The following CFAP20DC variants were observed in gnomAD, a reference collection of about 807,000 sequenced individuals.
CFAP20DC encodes the protein protein CFAP20DC.
In CFAP20DC, 84 loss-of-function variants were observed where a neutral mutation model predicts 101.7. That is an observed-to-expected ratio of 0.83 (90% CI 0.69 to 0.99). CFAP20DC has a LOEUF of 0.99. Among genes scored for constraint, CFAP20DC ranks in the 50% least tolerant of loss-of-function variants. CFAP20DC has a pLI of 0.00. For missense variants in CFAP20DC, 1,007 were observed against 970.3 expected (o/e 1.04, Z -0.50); for synonymous variants, 359 against 351.2 (o/e 1.02, Z -0.25).
rs549608470 is a variant in CFAP20DC, at chr3:58,808,493, C to G, written c.2176-2037G>C. Among the ~76,000 whole-genome samples, 3 of 152,238 alleles carry G rather than the reference C, an allele frequency of 2.0e-5. No homozygotes were observed. In the East Asian group the frequency reaches 5.8e-4, roughly 29 times the overall value. ...TTCATAAGTGAAGGAGAAATAAAATCCTTTACAGACAAGCAAATGCTGAGA... is the reference window on the plus strand; with the variant it reads ...TTCATAAGTGAAGGAGAAATAAAATGCTTTACAGACAAGCAAATGCTGAGA... On this transcript the variant is annotated intron_variant, in intron 14 of 16. Transcript: ENST00000482387.
chr3:58,768,672 C>T (rs1021699774), intron 15 of CFAP20DC, among the ~76,000 whole-genome samples: 1 of 152,166 alleles, frequency 6.6e-6, no homozygotes, highest in Non-Finnish European at 1.5e-5. Context: ...TCCCAAATTA[C>T]CACATTGGCT....
chr3:58,839,812 A>G (rs1207050924), intron 13 of CFAP20DC, among the ~76,000 whole-genome samples: 2 of 152,208 alleles, frequency 1.3e-5, no homozygotes, highest in Admixed American at 1.3e-4. Context: ...TAATGGGCGC[A>G]CTGTTTGCAT....
intron 15 of CFAP20DC, among the ~76,000 whole-genome samples, chr3:58,792,851 AT>A (rs1304854729): frequency 6.6e-6 from 1 of 152,104 alleles, no homozygotes; most frequent in African/African-American, 2.4e-5. Context: ...GTTGTAAGTG[AT>A]TTAAATGCTT....
At chr3:58,872,780 A>AT (rs1259838384) in intron 7 of CFAP20DC, among the ~76,000 whole-genome samples, 4 of 151,912 alleles carry the variant, frequency 2.6e-5, no homozygotes, top group South Asian at 4.2e-4. Flanking sequence ...GAGGTGATAA[A>AT]TTTTTTGTCA....
intron 3 of CFAP20DC, among the ~76,000 whole-genome samples, chr3:59,039,848 T>C (rs978460605): frequency 1.3e-5 from 2 of 151,996 alleles, no homozygotes; most frequent in African/African-American, 4.8e-5. Context: ...TAAAGTTCCA[T>C]CTGTGGCCTT....
intron 7 of CFAP20DC, among the ~76,000 whole-genome samples, chr3:58,871,103 C>G (rs996541511): frequency 6.6e-6 from 1 of 152,060 alleles, no homozygotes; most frequent in Non-Finnish European, 1.5e-5. Context: ...GTAAACAGGT[C>G]ACCAATGTAA....
intron 12 of CFAP20DC, among the ~76,000 whole-genome samples, chr3:58,850,510 C>G (rs765429816): frequency 1.3e-5 from 2 of 151,304 alleles, no homozygotes; most frequent in Non-Finnish European, 2.9e-5. Flanking sequence ...ATTGCTTGAA[C>G]CTGGGAGGCG....
intron 14 of CFAP20DC, among the ~76,000 whole-genome samples, chr3:58,811,543 A>C (rs980607710): frequency 1.3e-5 from 2 of 152,020 alleles, no homozygotes; most frequent in Non-Finnish European, 2.9e-5. Context: ...ATACCTTATA[A>C]AAAAATTAAT....
At chr3:58,998,557 C>T (rs2093209417) in intron 4 of CFAP20DC, among the ~76,000 whole-genome samples, 1 of 152,150 alleles carries the variant, frequency 6.6e-6, no homozygotes, top group Admixed American at 6.5e-5. Flanking sequence ...CACAATAATC[C>T]TATGAGGCAG....
At position 59,001,247 on chromosome 3, in the gene CFAP20DC, T is replaced by C. The variant is rs2093301265; in HGVS notation, c.278+38310A>G. Among the ~76,000 whole-genome samples the C allele has an allele frequency of 6.6e-6, 1 of 152,166 alleles. No homozygotes were observed. Among genetic ancestry groups the C allele is most frequent in the South Asian group, 2.1e-4 (1 of 4,830 alleles). ...ATTTCTATACTTTATCCTTGAAGAT[T>C]CTTTGATACTACTATAAAAATACAA... On this transcript the variant is annotated intron_variant, in intron 4 of 16. Transcript: ENST00000482387. This position sits in a 1 kb window ranked among gnomAD's most constrained non-coding sequence, Gnocchi z 4.5.
At chr3:58,766,900 C>G (rs771553939) in intron 15 of CFAP20DC, among the ~76,000 whole-genome samples, 96 of 152,208 alleles carry the variant, frequency 6.3e-4, no homozygotes, top group Non-Finnish European at 1.1e-3. Flanking sequence ...GCATCACACT[C>G]TTGGGAAATC....
rs904507627 is a variant in CFAP20DC at position 58,864,668 on chromosome 3, G to A, written c.1259-776C>T. ...TTCAGATTACAAATCATGGAGGAGA[G>A]GAAGCCATGACAAGGTTGGCAGTCA... On this transcript the variant is annotated intron_variant, in intron 11 of 16. Transcript: ENST00000482387. The surrounding 1 kb of genome is among the most constrained non-coding windows in gnomAD (Gnocchi z 4.7). Among the ~76,000 whole-genome samples, 1 of 152,168 alleles carries A rather than the reference G, an allele frequency of 6.6e-6. No individual in the cohort carries two copies. Among genetic ancestry groups the A allele is most frequent in the African/African-American group, 2.4e-5 (1 of 41,432 alleles).
At chr3:58,827,402 G>C (rs1243776726) in intron 14 of CFAP20DC, among the ~76,000 whole-genome samples, 3 of 123,372 alleles carry the variant, frequency 2.4e-5, no homozygotes, top group Non-Finnish European at 3.3e-5. Context: ...GAGCAGAGTG[G>C]CTCACTTGTG....
At chr3:58,805,606 G>C (rs536462911) in intron 15 of CFAP20DC, among the ~76,000 whole-genome samples, 1 of 152,334 alleles carries the variant, frequency 6.6e-6, no homozygotes, top group African/African-American at 2.4e-5. Context: ...ATAATGAGGT[G>C]CATCACAGTA....
intron 4 of CFAP20DC, among the ~76,000 whole-genome samples, chr3:59,012,421 C>T (rs2093604500): frequency 6.7e-6 from 1 of 149,316 alleles, no homozygotes; most frequent in South Asian, 2.1e-4. Context: ...GCTATTGGAG[C>T]CAGAATGAAA....
At chr3:58,803,945 T>C (rs1290520107) in intron 15 of CFAP20DC, among the ~76,000 whole-genome samples, 1 of 152,232 alleles carries the variant, frequency 6.6e-6, no homozygotes, top group African/African-American at 2.4e-5. Flanking sequence ...GGAAATCAAT[T>C]TGTAAAAGAG....
rs1311023082 is a variant in CFAP20DC at position 58,722,788 on chromosome 3, A to G, written c.198-5160T>C. ...GCTGGTATCCTGCCAAGAGAGATAAACAGTCTCATCTTGCACTGCATTTGG... is the reference window on the plus strand; with the variant it reads ...GCTGGTATCCTGCCAAGAGAGATAAGCAGTCTCATCTTGCACTGCATTTGG... On this transcript the variant is annotated intron_variant, in intron 3 of 3. Coordinates refer to the CFAP20DC transcript ENST00000486145. The surrounding 1 kb of genome is among the most constrained non-coding windows in gnomAD (Gnocchi z 4.5). 2.0e-5 allele frequency among the ~76,000 whole-genome samples: 3 copies of G among 152,234 alleles called. No individual in the cohort carries two copies. The highest frequency in any genetic ancestry group is 2.9e-5 in the Non-Finnish European group (2 of 68,034).
chr3:59,003,712 T>C (rs1409993477), intron 4 of CFAP20DC, among the ~76,000 whole-genome samples: 2 of 152,192 alleles, frequency 1.3e-5, no homozygotes, highest in Non-Finnish European at 2.9e-5. Flanking sequence ...TGCCTGATAA[T>C]GGTAAAAGTT....
chr3:58,861,504 G>A lies in CFAP20DC; in HGVS notation c.1593+2054C>T. The A allele has an allele frequency of 2.1e-6, 2 of 939,596 alleles. No homozygotes were observed. The highest frequency in any genetic ancestry group is 1.8e-5 in the African/African-American group (1 of 56,360). The allele number at this position is 939,596 out of a possible 1,614,324, so 58.2% of individuals were successfully genotyped here. On this transcript the variant is annotated intron_variant, in intron 12 of 16. Coordinates refer to ENST00000482387, the MANE Select transcript of CFAP20DC (RefSeq NM_001394063.1). The surrounding 1 kb of genome is among the most constrained non-coding windows in gnomAD (Gnocchi z 4.0). Reference sequence around the variant, plus strand: ...TTTATACAATTAATAAATAGAAGAAGCTATCCTACAGGAAAAGAAATTACC... The same window carrying A: ...TTTATACAATTAATAAATAGAAGAAACTATCCTACAGGAAAAGAAATTACC...
Sources: allele counts gnomAD v4.1 joint callset (sites outside exome capture counted in the v4.1 genomes callset), GRCh38; gene constraint gnomAD v4.1.1; non-coding constraint Gnocchi (gnomAD v3.1); transcripts MANE v1.5; gene names NCBI Gene and HGNC (gene_info 2026-07-23, HGNC 2026-07-21).